The following ATG5 variants were observed in gnomAD, a reference collection of about 807,000 sequenced individuals.
ATG5 encodes the protein autophagy related 5, also known as autophagy protein 5.
A neutral mutation model predicts 36.5 loss-of-function variants in ATG5; 14 were observed. The ratio of observed to expected loss-of-function variants is 0.38; its 90% CI spans 0.25 to 0.60. ATG5 has a LOEUF of 0.60. ATG5 is among the 20% of genes least tolerant of loss of function. The pLI is 0.60. For synonymous variants in ATG5, 95 were observed against 101.5 expected, an observed-to-expected ratio of 0.94 and a Z score of 0.38; for missense variants, 195 against 326.7, an observed-to-expected ratio of 0.60 and a Z score of 3.11.
At chr6:106,194,328 A>AT (rs1776088211) in intron 7 of ATG5, among the ~76,000 whole-genome samples, 1 of 152,172 alleles carries the variant, frequency 6.6e-6, no homozygotes, top group Admixed American at 6.5e-5. Flanking sequence ...TATTATCTCA[A>AT]ATCACGAGAT....
chr6:106,234,016 T>C (rs186940494), intron 6 of ATG5, among the ~76,000 whole-genome samples: 119 of 152,266 alleles, frequency 7.8e-4, no homozygotes, highest in Middle Eastern at 3.4e-3. Context: ...TGCATGCAAA[T>C]ACTCATTATT....
chr6:106,302,824 T>A (rs1770272882), intron 3 of ATG5, among the ~76,000 whole-genome samples: 1 of 152,002 alleles, frequency 6.6e-6, no homozygotes, highest in African/African-American at 2.4e-5. Flanking sequence ...AAGAAAATTT[T>A]AAAAATACAC....
intron 6 of ATG5, among the ~76,000 whole-genome samples, chr6:106,223,470 G>A (rs541921365): frequency 3.9e-5 from 6 of 152,262 alleles, no homozygotes; most frequent in East Asian, 3.9e-4. Context: ...CAATCTCAGC[G>A]TAGTAGATAG....
chr6:106,231,947 G>A (rs1429650580), intron 6 of ATG5, among the ~76,000 whole-genome samples: 2 of 152,194 alleles, frequency 1.3e-5, no homozygotes, highest in African/African-American at 4.8e-5. Flanking sequence ...TTTGCTTCCA[G>A]TGCGGTCTAC....
chr6:106,246,981 G>A lies in ATG5; in HGVS notation c.573+1169C>T, dbSNP rs189454658. ...ATAACCCCGCCTTCATGAAAAATAT[G>A]GACTATTTGAAAATTATACCTGCAA... is the stretch of plus-strand genomic sequence containing the variant. On this transcript the variant is annotated intron_variant, in intron 6 of 7. Transcript: ENST00000369076. Among the ~76,000 whole-genome samples, 16 of 152,210 alleles carry A rather than the reference G, an allele frequency of 1.1e-4. No individual in the cohort carries two copies. In the East Asian group the frequency reaches 3.1e-3, roughly 29 times the overall value.
At chr6:106,274,342 TA>T (rs141730597) in intron 5 of ATG5, among the ~76,000 whole-genome samples, 12,814 of 151,992 alleles carry the variant, frequency 0.084, 747 homozygotes, top group Middle Eastern at 0.16. Flanking sequence ...TGAAAACTCA[TA>T]AAAAAAACAC....
intron 6 of ATG5, among the ~76,000 whole-genome samples, chr6:106,214,599 T>C (rs1210861727): frequency 6.6e-6 from 1 of 152,206 alleles, no homozygotes; most frequent in Non-Finnish European, 1.5e-5. Flanking sequence ...TTGGAGTTTA[T>C]GTTTTGTCTT....
At position 106,325,522 on chromosome 6, in the gene ATG5, G is replaced by C. The variant is rs1402697866; in HGVS notation, c.-59+4C>G. ...CCTCACACAAGGTGGACACACACAC[G>C]TACCCTACTCCAAGCTATGGCTCCT... On this transcript the variant is annotated splice_donor_region_variant and intron_variant, in intron 1 of 7. Coordinates refer to ENST00000369076, the MANE Select transcript of ATG5 (RefSeq NM_004849.4). The C allele has an allele frequency of 6.5e-6, 1 of 152,712 alleles. No individual in the cohort carries two copies. The highest frequency in any genetic ancestry group is 1.5e-5 in the Non-Finnish European group (1 of 68,228). 9.5% of individuals were successfully genotyped at this position (152,712 alleles called of 1,614,324 possible). A position where few individuals can be genotyped will look rare whatever the true frequency, so the allele number is the denominator to read the frequency against.
intron 6 of ATG5, among the ~76,000 whole-genome samples, chr6:106,240,684 T>C (rs1294474676): frequency 6.6e-6 from 1 of 152,030 alleles, no homozygotes; most frequent in Non-Finnish European, 1.5e-5. Flanking sequence ...TTTTAATCTC[T>C]ACCTTTTGAT....
At chr6:106,219,109 A>G (rs1777148367) in intron 6 of ATG5, among the ~76,000 whole-genome samples, 1 of 152,154 alleles carries the variant, frequency 6.6e-6, no homozygotes, top group South Asian at 2.1e-4. Context: ...AGCAGAATAA[A>G]TTCTTTTGTT....
intron 5 of ATG5, among the ~76,000 whole-genome samples, chr6:106,277,069 GA>G (rs1240657748): frequency 6.6e-6 from 1 of 151,992 alleles, no homozygotes; most frequent in Non-Finnish European, 1.5e-5. Flanking sequence ...AATGAGAAAT[GA>G]AAAAATGTAA....
At position 106,186,526 on chromosome 6, in the gene ATG5, A is replaced by C. The variant is rs755978408; in HGVS notation, c.*14T>G. ...CATTTAAGGATGATTCTGTTCAGGC[A>C]AATAGTTGATCCTTCAATCTGTTGG... On this transcript the variant is annotated 3_prime_UTR_variant, in exon 8 of 8. Coordinates refer to ENST00000369076, the MANE Select transcript of ATG5 (RefSeq NM_004849.4). The C allele has an allele frequency of 5.0e-6, 8 of 1,612,710 alleles. No homozygotes were observed. The African/African-American group carries it at 9.3e-5, about 19-fold the overall frequency.
intron 6 of ATG5, among the ~76,000 whole-genome samples, chr6:106,217,975 T>C (rs986203484): frequency 2.0e-5 from 3 of 152,338 alleles, no homozygotes; most frequent in Non-Finnish European, 2.9e-5. Context: ...TTTTAATATA[T>C]AGCAGGCTTA....
chr6:106,206,113 A>G (rs1192154668), intron 6 of ATG5, among the ~76,000 whole-genome samples: 1 of 152,140 alleles, frequency 6.6e-6, no homozygotes, highest in African/African-American at 2.4e-5. Flanking sequence ...GCTGAAACCT[A>G]TTCCTCATCA....
At chr6:106,284,906 A>G (rs1780018571) in intron 4 of ATG5, among the ~76,000 whole-genome samples, 1 of 152,120 alleles carries the variant, frequency 6.6e-6, no homozygotes, top group Non-Finnish European at 1.5e-5. Flanking sequence ...GTTATTAGAT[A>G]GTATATGATT....
At chr6:106,231,373 C>T (rs1054199352) in intron 6 of ATG5, among the ~76,000 whole-genome samples, 2 of 152,182 alleles carry the variant, frequency 1.3e-5, no homozygotes, top group African/African-American at 4.8e-5. Flanking sequence ...GTATCTCAGT[C>T]AGGTCAATGA....
At chr6:106,297,742 A>G (rs966473862) in intron 3 of ATG5, among the ~76,000 whole-genome samples, 10 of 147,054 alleles carry the variant, frequency 6.8e-5, no homozygotes, top group Non-Finnish European at 1.5e-4. Flanking sequence ...ACACACACAC[A>G]CACACACACA....
At chr6:106,234,640 A>C (rs1777821989) in intron 6 of ATG5, among the ~76,000 whole-genome samples, 1 of 152,152 alleles carries the variant, frequency 6.6e-6, no homozygotes, top group Non-Finnish European at 1.5e-5. Context: ...GCTTCCTCTC[A>C]TTCTTAGTGC....
intron 7 of ATG5, among the ~76,000 whole-genome samples, chr6:106,191,974 T>G (rs1775982354): frequency 1.3e-5 from 2 of 152,160 alleles, no homozygotes; most frequent in Admixed American, 1.3e-4. Context: ...CCTGAATTAT[T>G]CAGTTCCATT....
Sources: allele counts gnomAD v4.1 joint callset (sites outside exome capture counted in the v4.1 genomes callset), GRCh38; gene constraint gnomAD v4.1.1; transcripts MANE v1.5; gene names NCBI Gene and HGNC (gene_info 2026-07-23, HGNC 2026-07-21).